CLCN7: variants seen among roughly 807,000 people sequenced by gnomAD.
CLCN7 encodes Cl-/H+ antiporter 7.
A neutral mutation model predicts 102.1 loss-of-function variants in CLCN7; 60 were observed. That is an observed-to-expected ratio of 0.59 (90% CI 0.48 to 0.73). The LOEUF is 0.73. CLCN7 is among the 30% of genes least tolerant of loss of function. The pLI, the probability that CLCN7 is intolerant of heterozygous loss-of-function variation, is 0.00. For missense variants in CLCN7, 962 were observed against 1,125.7 expected, an observed-to-expected ratio of 0.85 and a Z score of 2.08; for synonymous variants, 560 against 490.5, an observed-to-expected ratio of 1.14 and a Z score of -1.87.
intron 1 of CLCN7, among the ~76,000 whole-genome samples, chr16:1,471,259 G>A (rs940393353): frequency 7.9e-5 from 12 of 152,128 alleles, no homozygotes; most frequent in African/African-American, 2.7e-4. Flanking sequence ...CGCTGAGGTG[G>A]CAACGACACC....
At position 1,457,257 on chromosome 16, in the gene CLCN7, G is replaced by A. The variant is rs2038848913; in HGVS notation, c.819C>T (p.Phe273=). 6.2e-7 allele frequency: 1 copy of A among 1,613,926 alleles called. No homozygotes were observed. Among genetic ancestry groups the A allele is most frequent in the African/African-American group, 1.3e-5 (1 of 75,060 alleles). The part of the protein sequence containing the change: ...QGRSTSLKRD[F]KIFEYFRRDT... ...CCCACACAAGATTTCAACTCACCTT[G>A]AAATCTCGTTTCAGTGACGTTGACC... Residue 273 remains phenylalanine, a synonymous_variant, in exon 9 of 25, where the codon TTC becomes TTT. Transcript: ENST00000382745. This position sits in a 1 kb window ranked among gnomAD's most constrained non-coding sequence, Gnocchi z 5.4.
intron 1 of CLCN7, among the ~76,000 whole-genome samples, chr16:1,465,786 C>T (rs936156777): frequency 6.6e-6 from 1 of 152,206 alleles, no homozygotes; most frequent in Non-Finnish European, 1.5e-5. Context: ...GAGACACAAA[C>T]GGCTCCACAG....
intron 1 of CLCN7, among the ~76,000 whole-genome samples, chr16:1,473,086 AACAC>A (rs36084043): frequency 1.3e-5 from 2 of 150,148 alleles, no homozygotes; most frequent in African/African-American, 2.4e-5. Flanking sequence ...TTAAAACAGA[AACAC>A]ACACACACAC....
In CLCN7 at chr16:1,446,993, C is replaced by A. The variant is rs753577512; in HGVS notation, c.2331+13G>T. The A allele has an allele frequency of 5.7e-6, 9 of 1,570,436 alleles. No individual in the cohort carries two copies. Among genetic ancestry groups the A allele is most frequent in the Non-Finnish European group, 7.7e-6 (9 of 1,162,308 alleles). ...CTGCACGGCATGCCTGCACCCCCAC[C>A]GCCCCCGCTCACCTGATTGCGGTTG... On this transcript the variant is annotated intron_variant, in intron 24 of 24. Transcript: ENST00000382745.
rs1383579465 is a variant in CLCN7 at position 1,446,419 on chromosome 16, G to A, written c.*212C>T. On this transcript the variant is annotated 3_prime_UTR_variant, in exon 25 of 25. Coordinates refer to ENST00000382745, the MANE Select transcript of CLCN7 (RefSeq NM_001287.6). ...GAGAGTGGAGGCTGGGCCTGCGCAA[G>A]GAGGCGCCAAGGGGGGAGACCACTG... The A allele has an allele frequency of 1.4e-6, 1 of 702,868 alleles. No homozygotes were observed. Among genetic ancestry groups the A allele is most frequent in the Admixed American group, 2.0e-5 (1 of 50,012 alleles). The allele number at this position is 702,868 out of a possible 1,614,324, so 43.5% of individuals were successfully genotyped here. A position where few individuals can be genotyped will look rare whatever the true frequency, so the allele number is the denominator to read the frequency against.
At chr16:1,456,725 C>A (rs1202817214) in intron 9 of CLCN7, among the ~76,000 whole-genome samples, 2 of 151,964 alleles carry the variant, frequency 1.3e-5, no homozygotes, top group Non-Finnish European at 2.9e-5. Context: ...CCTATAATCC[C>A]AGCTACTCGG....
Position 1,457,902 on chromosome 16 carries a change from G to A in CLCN7, c.676-146C>T, listed in dbSNP as rs1296134757. On this transcript the variant is annotated intron_variant, in intron 7 of 24. Transcript: ENST00000382745. The surrounding 1 kb of genome is among the most constrained non-coding windows in gnomAD (Gnocchi z 5.4). ...GAGGGGGCCAGCACCCCCAGGCTGG[G>A]TCTCCCCATGGCCACAGTGGAGCTA... 5.1e-6 allele frequency: 4 copies of A among 781,044 alleles called. No homozygotes were observed. The highest frequency in any genetic ancestry group is 2.7e-5 in the East Asian group (1 of 37,634). 48.4% of individuals were successfully genotyped at this position (781,044 alleles called of 1,614,324 possible).
Position 1,461,687 on chromosome 16 carries a change from A to G in CLCN7, c.214-13T>C. Reference sequence around the variant, plus strand: ...GAGGGTCCATATCCTGTGGCAGAAAAAGGCAAAGAGAGAAGCACAGTTGAC... The same window carrying G: ...GAGGGTCCATATCCTGTGGCAGAAAGAGGCAAAGAGAGAAGCACAGTTGAC... On this transcript the variant is annotated splice_polypyrimidine_tract_variant and intron_variant, in intron 2 of 24. Transcript: ENST00000382745. 2 of 1,612,978 alleles carry G rather than the reference A, an allele frequency of 1.2e-6. No individual in the cohort carries two copies. The highest frequency in any genetic ancestry group is 1.7e-6 in the Non-Finnish European group (2 of 1,179,274).
At chr16:1,449,162 T>A in intron 18 of CLCN7, 69 bp from the exon 19 acceptor site, 1 of 1,601,374 alleles carries the variant, frequency 6.2e-7, no homozygotes, top group Non-Finnish European at 8.5e-7. Context: ...CACTGCCTTC[T>A]CTGCAGCACC....
chr16:1,449,843 T>C, intron 17 of CLCN7: 1 of 194,178 alleles, frequency 5.1e-6, no homozygotes, highest in Non-Finnish European at 1.1e-5. Flanking sequence ...AAACGATGAG[T>C]TTTACGGTAT....
intron 2 of CLCN7, 78 bp downstream of exon 2, chr16:1,465,189 C>T (rs2038988005): frequency 1.1e-5 from 16 of 1,410,748 alleles, no homozygotes; most frequent in African/African-American, 2.8e-5. Context: ...CCCTGCCGCT[C>T]GGCCCGTGCC....
intron 1 of CLCN7, among the ~76,000 whole-genome samples, chr16:1,469,002 C>G (rs1278994740): frequency 6.7e-6 from 1 of 150,284 alleles, no homozygotes; most frequent in African/African-American, 2.5e-5. Context: ...ACCAGCCTGG[C>G]CAACATGAAG....
chr16:1,466,411 C>T (rs1191461225), intron 1 of CLCN7, among the ~76,000 whole-genome samples: 2 of 152,224 alleles, frequency 1.3e-5, no homozygotes, highest in African/African-American at 2.4e-5. Flanking sequence ...GCCAGGAGCC[C>T]ACAGGGCCGA....
intron 1 of CLCN7, 54 bp downstream of exon 1, chr16:1,474,780 G>C: frequency 1.6e-6 from 2 of 1,232,004 alleles, no homozygotes; most frequent in Non-Finnish European, 2.0e-6. Flanking sequence ...GAGGGCGCGG[G>C]CTGCGGGGCG....
intron 2 of CLCN7, among the ~76,000 whole-genome samples, chr16:1,464,676 G>A (rs527366113): frequency 6.6e-6 from 1 of 152,228 alleles, no homozygotes; most frequent in African/African-American, 2.4e-5. Flanking sequence ...GGGAGAAGGA[G>A]GACGCCCGGG....
chr16:1,459,266 G>A lies in CLCN7; in HGVS notation c.595-79C>T. 6.3e-6 allele frequency: 8 copies of A among 1,260,300 alleles called. No homozygotes were observed. The South Asian group carries it at 9.8e-5, about 16-fold the overall frequency. 78.1% of individuals were successfully genotyped at this position (1,260,300 alleles called of 1,614,324 possible). A position where few individuals can be genotyped will look rare whatever the true frequency, so the allele number is the denominator to read the frequency against. On this transcript the variant is annotated intron_variant, in intron 6 of 24. Coordinates refer to ENST00000382745, the MANE Select transcript of CLCN7 (RefSeq NM_001287.6). ...AGCCCCTCAGCCCCAGGAGCCCCAG[G>A]AGCTGAGGAGAGCAGCAGACACGTC...
rs367697487 is a variant in CLCN7, at chr16:1,474,763, G to A, written c.141+71C>T. On this transcript the variant is annotated intron_variant, in intron 1 of 24. Transcript: ENST00000382745. ...ACCGAGACACGCGGCGCCGCCAGAA[G>A]GCTCACGAGGGCGCGGGCTGCGGGG... 3.9e-4 allele frequency: 458 copies of A among 1,182,080 alleles called. 3 individuals carry two copies. The East Asian group carries it at 0.015, about 38-fold the overall frequency. 73.2% of individuals were successfully genotyped at this position (1,182,080 alleles called of 1,614,324 possible). A position where few individuals can be genotyped will look rare whatever the true frequency, so the allele number is the denominator to read the frequency against.
chr16:1,448,654 C>A (rs777468989), intron 20 of CLCN7, 27 bp downstream of exon 20: 162 of 1,611,132 alleles, frequency 1.0e-4, no homozygotes, highest in Non-Finnish European at 1.3e-4. Context: ...ACACCCTCCC[C>A]ACCCACAGGT....
chr16:1,461,580 CAG>C (rs758261764), intron 3 of CLCN7, 21 bp downstream of exon 3: 1 of 1,612,888 alleles, frequency 6.2e-7, no homozygotes, highest in African/African-American at 1.3e-5. Context: ...GTCTCAGGGT[CAG>C]GGGGACAGAA....
Sources: allele counts gnomAD v4.1 joint callset (sites outside exome capture counted in the v4.1 genomes callset), GRCh38; gene constraint gnomAD v4.1.1; non-coding constraint Gnocchi (gnomAD v3.1); transcripts MANE v1.5; gene names NCBI Gene and HGNC (gene_info 2026-07-23, HGNC 2026-07-21).